Variants in LRIG2 observed in about 807,000 individuals in gnomAD.
LRIG2 encodes the protein leucine rich repeats and immunoglobulin like domains 2, also known as leucine-rich repeats and immunoglobulin-like domains protein 2.
LRIG2 carries 93 observed loss-of-function variants against 107.8 expected under a neutral mutation model. The ratio of observed to expected loss-of-function variants is 0.86; its 90% CI spans 0.73 to 1.03. The LOEUF (loss-of-function observed/expected upper bound fraction) is 1.03. Among genes scored for constraint, LRIG2 ranks in the 50% least tolerant of loss-of-function variants. LRIG2 has a pLI of 0.00. For synonymous variants in LRIG2, 471 were observed against 470.6 expected, an observed-to-expected ratio of 1.00 and a Z score of -0.01; for missense variants, 1,226 against 1,296.0, an observed-to-expected ratio of 0.95 and a Z score of 0.83.
chr1:113,100,122 G>A (rs1171582798), intron 9 of LRIG2, 89 bp from the exon 10 acceptor site: 6 of 701,958 alleles, frequency 8.5e-6, no homozygotes, highest in African/African-American at 3.6e-5. Context: ...AGTACGCTAC[G>A]CTTATTTTCA....
intron 11 of LRIG2, among the ~76,000 whole-genome samples, chr1:113,107,137 T>C (rs1198930297): frequency 6.6e-6 from 1 of 152,162 alleles, no homozygotes; most frequent in African/African-American, 2.4e-5. Context: ...GCAGCCATGG[T>C]GACACTTCAC....
chr1:113,082,445 A>T (rs1321064577), intron 1 of LRIG2, among the ~76,000 whole-genome samples: 1 of 152,182 alleles, frequency 6.6e-6, no homozygotes, highest in Non-Finnish European at 1.5e-5. Flanking sequence ...TAAAGAAAAG[A>T]AGTTTAACTG....
intron 12 of LRIG2, among the ~76,000 whole-genome samples, chr1:113,108,845 C>T (rs1407705389): frequency 1.3e-5 from 2 of 152,046 alleles, no homozygotes; most frequent in Non-Finnish European, 2.9e-5. Flanking sequence ...CACTGCATTC[C>T]AGTCTGGGCA....
intron 1 of LRIG2, among the ~76,000 whole-genome samples, chr1:113,088,025 A>G (rs1653636146): frequency 6.6e-6 from 1 of 152,242 alleles, no homozygotes; most frequent in East Asian, 1.9e-4. Context: ...CAATCCATGT[A>G]ATTCTAGTTA....
At chr1:113,112,888 A>G (rs1570765379) in intron 14 of LRIG2, 128 bp downstream of exon 14, 8 of 941,852 alleles carry the variant, frequency 8.5e-6, no homozygotes, top group Non-Finnish European at 1.2e-5. Context: ...TTATTTCACA[A>G]TTTTATGCAA....
intron 4 of LRIG2, among the ~76,000 whole-genome samples, chr1:113,093,776 T>TA (rs1653929674): frequency 2.6e-5 from 4 of 151,958 alleles, no homozygotes. Flanking sequence ...AGTATAATAA[T>TA]AATAAATAAA....
rs1355672215 is a variant in LRIG2, at chr1:113,130,769, T to C, written c.*6668T>C. On this transcript the variant is annotated 3_prime_UTR_variant, in exon 18 of 18. Coordinates refer to ENST00000361127, the MANE Select transcript of LRIG2 (RefSeq NM_014813.3). ...CAGGAAACTAGAGAATTTTGGACTT[T>C]GGTTGACAAAAGCGGTCTGACCTGT... 3 of 152,204 alleles carry C rather than the reference T, an allele frequency of 2.0e-5. No homozygotes were observed. Among genetic ancestry groups the C allele is most frequent in the African/African-American group, 4.8e-5 (2 of 41,452 alleles). 9.4% of individuals were successfully genotyped at this position (152,204 alleles called of 1,614,324 possible). A position where few individuals can be genotyped will look rare whatever the true frequency, so the allele number is the denominator to read the frequency against.
At chr1:113,077,875 T>A (rs1202615278) in intron 1 of LRIG2, among the ~76,000 whole-genome samples, 1 of 121,398 alleles carries the variant, frequency 8.2e-6, no homozygotes, top group Non-Finnish European at 1.7e-5. Flanking sequence ...CCTAATGCTA[T>A]CCCTCCCCCC....
At chr1:113,122,115 C>CTCTG (rs1488285767) in intron 17 of LRIG2, among the ~76,000 whole-genome samples, 1 of 135,644 alleles carries the variant, frequency 7.4e-6, no homozygotes, top group African/African-American at 2.7e-5. Flanking sequence ...CAGAGTCTCG[C>CTCTG]TCTGTCGCCC....
At chr1:113,107,358 AGTC>A (rs1654583539) in intron 11 of LRIG2, among the ~76,000 whole-genome samples, 1 of 152,074 alleles carries the variant, frequency 6.6e-6, no homozygotes, top group Non-Finnish European at 1.5e-5. Flanking sequence ...ATGATTCTTT[AGTC>A]GTCTTCAAAA....
At chr1:113,123,113 T>C (rs947750626) in intron 17 of LRIG2, among the ~76,000 whole-genome samples, 2 of 152,252 alleles carry the variant, frequency 1.3e-5, no homozygotes, top group African/African-American at 4.8e-5. Flanking sequence ...GTTGACATGC[T>C]AGGAGTTGGA....
At chr1:113,118,668 GTTT>G (rs796930284) in intron 16 of LRIG2, among the ~76,000 whole-genome samples, 1 of 142,360 alleles carries the variant, frequency 7.0e-6, no homozygotes, top group Non-Finnish European at 1.5e-5. Context: ...GTATGACTTT[GTTT>G]TTTTTTTTTT....
In LRIG2 at chr1:113,124,308, C is replaced by G. The variant is rs1655398041; in HGVS notation, c.*207C>G. ...GCTGACAGAAATGGGTACAGCTCAT[C>G]AAAAATGTGCAGCACCGGCAGAGGG... On this transcript the variant is annotated 3_prime_UTR_variant, in exon 18 of 18. Coordinates refer to ENST00000361127, the MANE Select transcript of LRIG2 (RefSeq NM_014813.3). The G allele has an allele frequency of 3.4e-6, 2 of 587,764 alleles. No homozygotes were observed. The highest frequency in any genetic ancestry group is 5.7e-5 in the East Asian group (2 of 35,104). The allele number at this position is 587,764 out of a possible 1,614,324, so 36.4% of individuals were successfully genotyped here. A position where few individuals can be genotyped will look rare whatever the true frequency, so the allele number is the denominator to read the frequency against.
At chr1:113,078,962 A>G (rs775056083) in intron 1 of LRIG2, among the ~76,000 whole-genome samples, 3 of 152,144 alleles carry the variant, frequency 2.0e-5, no homozygotes, top group Non-Finnish European at 2.9e-5. Context: ...ATTTTTTGAG[A>G]TAACTTTGTA....
intron 9 of LRIG2, among the ~76,000 whole-genome samples, chr1:113,099,308 G>A (rs1394137348): frequency 1.4e-5 from 2 of 145,508 alleles, no homozygotes; most frequent in Non-Finnish European, 3.0e-5. Context: ...TGCAATCACA[G>A]CTCACAGCAG....
intron 1 of LRIG2, 108 bp downstream of exon 1, chr1:113,073,753 A>G: frequency 9.7e-7 from 1 of 1,029,066 alleles, no homozygotes; most frequent in Non-Finnish European, 1.4e-6. Context: ...TCGAGAGCCT[A>G]AGCTCTGAAG....
intron 2 of LRIG2, 76 bp downstream of exon 2, chr1:113,091,459 T>G: frequency 1.1e-6 from 1 of 902,860 alleles, no homozygotes; most frequent in East Asian, 2.8e-5. Flanking sequence ...GTGGGATGTT[T>G]AATCCAGAGA....
chr1:113,078,721 A>G (rs1480358875), intron 1 of LRIG2, among the ~76,000 whole-genome samples: 2 of 147,942 alleles, frequency 1.4e-5, no homozygotes, highest in Admixed American at 1.4e-4. Context: ...GCTCACTGCA[A>G]CCTCCACTTC....
chr1:113,123,753 G>A (rs1655366970), intron 17 of LRIG2, 122 bp from the exon 18 acceptor site: 1 of 675,158 alleles, frequency 1.5e-6, no homozygotes, highest in South Asian at 1.8e-5. Context: ...GTGTGTGTGT[G>A]TGTGTGTGAT....
Sources: gnomAD v4.1 joint callset for allele counts (sites outside exome capture counted in the v4.1 genomes callset) on GRCh38, gnomAD v4.1.1 for gene constraint, MANE v1.5 for transcripts, NCBI Gene and HGNC (gene_info 2026-07-23, HGNC 2026-07-21) for gene names.